Variants in CSMD1 observed in about 807,000 individuals in gnomAD.
CSMD1 encodes the protein CUB and sushi domain-containing protein 1.
CSMD1 carries 213 observed loss-of-function variants against 417.5 expected under a neutral mutation model. That is an observed-to-expected ratio of 0.51 (90% CI 0.46 to 0.57). CSMD1 has a LOEUF of 0.57. Ranked by LOEUF, CSMD1 falls within the 20% of genes least tolerant of loss-of-function variation. The probability of loss-of-function intolerance (pLI) is 0.00; values close to 1 mark genes in which losing one functional copy is unlikely to be tolerated. For missense variants in CSMD1, 6,923 were observed against 4,529.7 expected (o/e 1.53, Z -15.17); for synonymous variants, 2,862 against 1,736.8 (o/e 1.65, Z -16.11).
At position 3,241,940 on chromosome 8, in the gene CSMD1, G is replaced by C. The variant is rs572490276; in HGVS notation, c.4154-11709C>G. 5.5e-5 allele frequency among the ~76,000 whole-genome samples: 8 copies of C among 146,278 alleles called. No individual in the cohort carries two copies. The East Asian group carries it at 1.6e-3, about 29-fold the overall frequency. ...TTTATTTAATGCCGGGAGCAGATTG[G>C]GTAATAAAATGTATATTGAGAATAA... On this transcript the variant is annotated intron_variant, in intron 26 of 69. Coordinates refer to ENST00000635120, the MANE Select transcript of CSMD1 (RefSeq NM_033225.6).
At chr8:3,267,427 G>T (rs1167197644) in intron 26 of CSMD1, among the ~76,000 whole-genome samples, 3 of 152,226 alleles carry the variant, frequency 2.0e-5, no homozygotes, top group Non-Finnish European at 2.9e-5. Flanking sequence ...GATGATGGCA[G>T]TTGAGCAGTT....
intron 2 of CSMD1, among the ~76,000 whole-genome samples, chr8:4,556,721 T>C (rs1246418460): frequency 1.3e-5 from 2 of 152,158 alleles, no homozygotes; most frequent in Admixed American, 6.5e-5. Flanking sequence ...TGCCACAAAA[T>C]ATTCACAAGA....
chr8:4,353,298 T>G (rs1801205715), intron 3 of CSMD1, among the ~76,000 whole-genome samples: 1 of 152,102 alleles, frequency 6.6e-6, no homozygotes, highest in Admixed American at 6.6e-5. Context: ...GGGAGTTTCC[T>G]TCACAAGCTC....
At chr8:4,222,460 T>A (rs2128809055) in intron 3 of CSMD1, among the ~76,000 whole-genome samples, 1 of 152,222 alleles carries the variant, frequency 6.6e-6, no homozygotes, top group Non-Finnish European at 1.5e-5. Context: ...TAGTACCTGG[T>A]CCGTCATATG....
intron 18 of CSMD1, among the ~76,000 whole-genome samples, chr8:3,381,315 T>C (rs1810613799): frequency 6.6e-6 from 1 of 152,188 alleles, no homozygotes; most frequent in Non-Finnish European, 1.5e-5. Context: ...GTTAAAATTC[T>C]ATTTTTGTCT....
rs576420862 is a variant in CSMD1 at position 4,449,838 on chromosome 8, C to T, written c.303-29773G>A. Among the ~76,000 whole-genome samples the T allele has an allele frequency of 1.4e-4, 21 of 152,278 alleles. No individual in the cohort carries two copies. The South Asian group carries it at 3.7e-3, about 27-fold the overall frequency. On this transcript the variant is annotated intron_variant, in intron 2 of 69. Transcript: ENST00000635120. ...GCTTCCCCTCCTACGTTCCCTATCTCAGTAAATGACTTCATCCTCACCCAG... is the reference window on the plus strand; with the variant it reads ...GCTTCCCCTCCTACGTTCCCTATCTTAGTAAATGACTTCATCCTCACCCAG...
rs1324032675 is a variant in CSMD1, at chr8:3,142,393, T to G, written c.6241+72A>C. On this transcript the variant is annotated intron_variant, in intron 41 of 69. Coordinates refer to ENST00000635120, the MANE Select transcript of CSMD1 (RefSeq NM_033225.6). ...AAGCTTGGAACCAGTTAGGGAGATT[T>G]ATACTTAAATACAATTTACATGTAA... 3.1e-6 allele frequency: 4 copies of G among 1,306,856 alleles called. No individual in the cohort carries two copies. The African/African-American group carries it at 5.9e-5, about 19-fold the overall frequency. The allele number at this position is 1,306,856 out of a possible 1,614,324, so 81.0% of individuals were successfully genotyped here.
At chr8:4,563,472 A>T (rs1272972531) in intron 2 of CSMD1, among the ~76,000 whole-genome samples, 3 of 152,188 alleles carry the variant, frequency 2.0e-5, no homozygotes, top group African/African-American at 7.2e-5. Flanking sequence ...ATGCCAAGGC[A>T]CAGGCTCTCC....
chr8:3,223,640 A>G (rs1310058057), intron 28 of CSMD1, 89 bp downstream of exon 28: 2 of 1,357,614 alleles, frequency 1.5e-6, no homozygotes, highest in African/African-American at 1.4e-5. Flanking sequence ...TAGATATAAC[A>G]TTAGAGACTA....
At chr8:3,899,732 G>A (rs1807604637) in intron 5 of CSMD1, among the ~76,000 whole-genome samples, 1 of 152,118 alleles carries the variant, frequency 6.6e-6, no homozygotes, top group Admixed American at 6.5e-5. Flanking sequence ...GCTGGCTGAG[G>A]TTAGCAGTTG....
intron 7 of CSMD1, among the ~76,000 whole-genome samples, chr8:3,628,081 T>A (rs1369713557): frequency 4.6e-5 from 7 of 152,206 alleles, no homozygotes; most frequent in Admixed American, 4.6e-4. Context: ...TTCTATTTTT[T>A]TAAATAAAAG....
intron 12 of CSMD1, among the ~76,000 whole-genome samples, chr8:3,411,244 C>T (rs1428512961): frequency 6.6e-6 from 1 of 152,100 alleles, no homozygotes; most frequent in East Asian, 1.9e-4. Flanking sequence ...GACACCAGTC[C>T]CAAAAGTGCA....
In CSMD1 at chr8:3,574,314, C is replaced by T. The variant is rs561059248; in HGVS notation, c.1344+631G>A. ...GGAGTGCAGTGGCACGATCTTGGCC[C>T]ACTTCAAGCTCTGCCTCCTGGGTTC... On this transcript the variant is annotated intron_variant, in intron 10 of 69. Transcript: ENST00000635120. 2.6e-4 allele frequency among the ~76,000 whole-genome samples: 40 copies of T among 152,320 alleles called. 1 individual carries two copies. The South Asian group carries it at 8.3e-3, about 32-fold the overall frequency.
At chr8:3,797,124 A>C (rs1044336827) in intron 5 of CSMD1, among the ~76,000 whole-genome samples, 2 of 151,986 alleles carry the variant, frequency 1.3e-5, no homozygotes, top group Non-Finnish European at 2.9e-5. Context: ...GTAAATAATG[A>C]AGTATACTAA....
intron 2 of CSMD1, among the ~76,000 whole-genome samples, chr8:4,456,386 T>G (rs1799486297): frequency 6.6e-6 from 1 of 152,160 alleles, no homozygotes; most frequent in Admixed American, 6.5e-5. Flanking sequence ...ATCAAATAGC[T>G]AGGTATCAAA....
chr8:3,715,080 T>A (rs899217908), intron 6 of CSMD1, among the ~76,000 whole-genome samples: 4 of 152,198 alleles, frequency 2.6e-5, no homozygotes, highest in African/African-American at 9.7e-5. Context: ...ATTTTAACAT[T>A]TCTTCATTAG....
chr8:3,055,209 A>T (rs914558028), intron 49 of CSMD1, among the ~76,000 whole-genome samples: 2 of 152,178 alleles, frequency 1.3e-5, no homozygotes, highest in Non-Finnish European at 1.5e-5. Context: ...CGGGAGACCA[A>T]AGCAGAAGAT....
intron 3 of CSMD1, among the ~76,000 whole-genome samples, chr8:4,102,802 CA>C (rs1801373393): frequency 6.6e-6 from 1 of 152,126 alleles, no homozygotes; most frequent in Non-Finnish European, 1.5e-5. Flanking sequence ...TCTCCTTCAG[CA>C]GTTGTGTGCA....
At chr8:3,751,146 G>T (rs62481008) in intron 6 of CSMD1, among the ~76,000 whole-genome samples, 4,011 of 152,178 alleles carry the variant, frequency 0.026, 80 homozygotes, top group Middle Eastern at 0.051. Flanking sequence ...GTACCGTGTT[G>T]TCTTGGAGCT....
Sources: allele counts gnomAD v4.1 joint callset (sites outside exome capture counted in the v4.1 genomes callset), GRCh38; gene constraint gnomAD v4.1.1; transcripts MANE v1.5; gene names NCBI Gene and HGNC (gene_info 2026-07-23, HGNC 2026-07-21).